Variants in ADAP1 observed in about 807,000 individuals in gnomAD.
ADAP1 encodes ArfGAP with dual PH domains 1.
ADAP1 carries 31 observed loss-of-function variants against 54.9 expected under a neutral mutation model. The ratio of observed to expected loss-of-function variants is 0.56; its 90% CI spans 0.42 to 0.76. The LOEUF (loss-of-function observed/expected upper bound fraction) is 0.76. ADAP1 is among the 30% of genes least tolerant of loss of function. The probability of loss-of-function intolerance (pLI) is 0.00; values close to 1 mark genes in which losing one functional copy is unlikely to be tolerated. For missense variants in ADAP1, 535 were observed against 512.4 expected (o/e 1.04, Z -0.42); for synonymous variants, 313 against 202.6 (o/e 1.55, Z -4.63).
At chr7:903,996 C>G in intron 6 of ADAP1, 130 bp downstream of exon 6, 1 of 1,278,926 alleles carries the variant, frequency 7.8e-7, no homozygotes, top group Non-Finnish European at 1.1e-6. Context: ...CCCGACTTCC[C>G]GCCTTCTCAT....
chr7:948,108 C>T (rs1026870813), intron 1 of ADAP1, among the ~76,000 whole-genome samples: 1 of 152,026 alleles, frequency 6.6e-6, no homozygotes, highest in Admixed American at 6.6e-5. Context: ...GCCCTGAACC[C>T]ACTCTATTCC....
intron 1 of ADAP1, among the ~76,000 whole-genome samples, chr7:936,886 A>G (rs1250159771): frequency 6.6e-6 from 1 of 152,180 alleles, no homozygotes; most frequent in African/African-American, 2.4e-5. Flanking sequence ...CCCCCTCCCA[A>G]CGCTGATCGG....
intron 6 of ADAP1, 182 bp from the exon 7 acceptor site, chr7:900,798 G>C: frequency 1.5e-6 from 1 of 653,818 alleles, no homozygotes; most frequent in African/African-American, 1.8e-5. Flanking sequence ...CGCTGAGGCC[G>C]GGGCTGCTAC....
rs933910389 is a variant in ADAP1 at position 921,217 on chromosome 7, C to A, written c.306-1167G>T. Among the ~76,000 whole-genome samples the A allele has an allele frequency of 5.3e-5, 8 of 152,320 alleles. No homozygotes were observed. The East Asian group carries it at 1.3e-3, about 26-fold the overall frequency. ...CACCCCTGGAAGCCGCCAGTGCCCC[C>A]ACCTCGGCGCCGTCCTCACCTGGCC... On this transcript the variant is annotated intron_variant, in intron 3 of 10. Transcript: ENST00000265846.
intron 4 of ADAP1, 187 bp from the exon 5 acceptor site, chr7:905,359 GGAAAGGGAAAGGGAAAGGA>G (rs1317497843): frequency 0.19 from 28,031 of 151,490 alleles, 7,431 homozygotes; most frequent in Middle Eastern, 0.21. Context: ...AGATGGGCAG[GGAAAGGGAAAGGGAAAGGA>G]GAAAGGAGAA....
At chr7:949,458 A>C (rs1360493568) in intron 1 of ADAP1, among the ~76,000 whole-genome samples, 1 of 152,264 alleles carries the variant, frequency 6.6e-6, no homozygotes. Context: ...AATGCCTCTG[A>C]GTCTAAAACG....
In ADAP1 at chr7:926,717, G is replaced by T; in HGVS notation, c.214-73C>A. Reference sequence around the variant, plus strand: ...GCCTAGGAGGTGCCAGCTGCCCTTGGGGCCGTCACCACAGTGACCCGCAGA... The same window carrying T: ...GCCTAGGAGGTGCCAGCTGCCCTTGTGGCCGTCACCACAGTGACCCGCAGA... On this transcript the variant is annotated intron_variant, in intron 2 of 10. Transcript: ENST00000265846. The surrounding 1 kb of genome is among the most constrained non-coding windows in gnomAD (Gnocchi z 4.6). 1.6e-6 allele frequency: 2 copies of T among 1,272,210 alleles called. No individual in the cohort carries two copies. Among genetic ancestry groups the T allele is most frequent in the Non-Finnish European group, 2.1e-6 (2 of 937,552 alleles). The allele number at this position is 1,272,210 out of a possible 1,614,324, so 78.8% of individuals were successfully genotyped here. A position where few individuals can be genotyped will look rare whatever the true frequency, so the allele number is the denominator to read the frequency against.
At chr7:900,069 G>A (rs560713919) in intron 8 of ADAP1, 33 bp downstream of exon 8, 34 of 1,611,852 alleles carry the variant, frequency 2.1e-5, no homozygotes, top group South Asian at 2.0e-4. Flanking sequence ...GCGTACCCCA[G>A]GCCACCCCAG....
intron 4 of ADAP1, chr7:905,688 GAGAAAGGAGAAAGGA>G (rs1562912612): frequency 1.4e-4 from 15 of 110,302 alleles, no homozygotes; most frequent in South Asian, 3.3e-4. Flanking sequence ...AAGGAGAAAG[GAGAAAGGAGAAAGGA>G]GAAAGGAGAA....
intron 8 of ADAP1, among the ~76,000 whole-genome samples, chr7:899,733 C>G (rs560276143): frequency 6.6e-6 from 1 of 152,266 alleles, no homozygotes; most frequent in African/African-American, 2.4e-5. Context: ...AGATGGGGGC[C>G]CAGGCCTCAC....
chr7:921,964 G>A (rs1846206941), intron 3 of ADAP1, among the ~76,000 whole-genome samples: 1 of 152,202 alleles, frequency 6.6e-6, no homozygotes, highest in Non-Finnish European at 1.5e-5. Flanking sequence ...GCACACAAGG[G>A]CATCCCAGGG....
At chr7:899,940 G>A (rs931887421) in intron 8 of ADAP1, among the ~76,000 whole-genome samples, 162 bp downstream of exon 8, 3 of 152,224 alleles carry the variant, frequency 2.0e-5, no homozygotes, top group African/African-American at 2.4e-5. Flanking sequence ...ACAGTGGCCC[G>A]AGTCCTCGGG....
At chr7:923,574 C>T (rs1846264792) in intron 3 of ADAP1, among the ~76,000 whole-genome samples, 1 of 152,252 alleles carries the variant, frequency 6.6e-6, no homozygotes, top group South Asian at 2.1e-4. Context: ...CACACGAGAC[C>T]CTCTGCCCTC....
At chr7:949,649 G>A (rs371966895) in intron 1 of ADAP1, among the ~76,000 whole-genome samples, 4 of 152,322 alleles carry the variant, frequency 2.6e-5, no homozygotes, top group Admixed American at 6.5e-5. Context: ...CCACAGCTCC[G>A]GTGCATTTGG....
At chr7:905,627 GGAGAAAGGGAAAGGAGAAA>G (rs1845185972) in intron 4 of ADAP1, 1 of 142,666 alleles carries the variant, frequency 7.0e-6, no homozygotes, top group Non-Finnish European at 1.5e-5. Context: ...GAAAGGGAAA[GGAGAAAGGGAAAGGAGAAA>G]GGGAAAGGAG....
Position 920,847 on chromosome 7 carries a change from G to T in ADAP1, c.306-797C>A, listed in dbSNP as rs757929507. On this transcript the variant is annotated intron_variant, in intron 3 of 10. Transcript: ENST00000265846. The surrounding 1 kb of genome is among the most constrained non-coding windows in gnomAD (Gnocchi z 4.5). Reference sequence around the variant, plus strand: ...CACACAGGCCCGGCACGGCCCAGGTGCACAGGCAGCCGCCCCAGCCTTTTC... The same window carrying T: ...CACACAGGCCCGGCACGGCCCAGGTTCACAGGCAGCCGCCCCAGCCTTTTC... 1 of 1,550,120 alleles carries T rather than the reference G, an allele frequency of 6.5e-7. No homozygotes were observed. The highest frequency in any genetic ancestry group is 1.2e-5 in the South Asian group (1 of 84,010).
Position 946,717 on chromosome 7 carries a change from A to G in ADAP1, c.82+7679T>C, listed in dbSNP as rs975464046. Among the ~76,000 whole-genome samples, 1 of 152,212 alleles carries G rather than the reference A, an allele frequency of 6.6e-6. No individual in the cohort carries two copies. Among genetic ancestry groups the G allele is most frequent in the Non-Finnish European group, 1.5e-5 (1 of 68,040 alleles). ...TCCAGGCTCTTCAGGGCCCTCGCAC[A>G]GGGCCGACTCCTCTGCGGCCCATCT... On this transcript the variant is annotated intron_variant, in intron 1 of 10. Coordinates refer to ENST00000265846, the MANE Select transcript of ADAP1 (RefSeq NM_006869.4). The surrounding 1 kb of genome is among the most constrained non-coding windows in gnomAD (Gnocchi z 4.3).
intron 1 of ADAP1, among the ~76,000 whole-genome samples, chr7:953,147 G>C (rs563823436): frequency 2.6e-5 from 4 of 152,324 alleles, no homozygotes; most frequent in Admixed American, 6.5e-5. Context: ...GGAAATAAAG[G>C]TCTGTGGGGA....
chr7:946,374 C>T lies in ADAP1; in HGVS notation c.82+8022G>A, dbSNP rs1847140048. Among the ~76,000 whole-genome samples the T allele has an allele frequency of 6.6e-6, 1 of 152,242 alleles. No individual in the cohort carries two copies. The highest frequency in any genetic ancestry group is 2.4e-5 in the African/African-American group (1 of 41,540). ...CACCCCCTCACGCTCACGGGCGGCC[C>T]TGGTCCCATTCCATTGTGAGGATGG... On this transcript the variant is annotated intron_variant, in intron 1 of 10. Coordinates refer to ENST00000265846, the MANE Select transcript of ADAP1 (RefSeq NM_006869.4). The surrounding 1 kb of genome is among the most constrained non-coding windows in gnomAD (Gnocchi z 4.3).
Sources: allele counts gnomAD v4.1 joint callset (sites outside exome capture counted in the v4.1 genomes callset), GRCh38; gene constraint gnomAD v4.1.1; non-coding constraint Gnocchi (gnomAD v3.1); transcripts MANE v1.5; gene names NCBI Gene and HGNC (gene_info 2026-07-23, HGNC 2026-07-21).